Variants in ING1 observed in about 807,000 individuals in gnomAD.
ING1 encodes the protein inhibitor of growth protein 1.
Under a neutral mutation model 23.1 loss-of-function variants are expected in ING1, and 4 were observed. That is an observed-to-expected ratio of 0.17 (90% CI 0.09 to 0.40). ING1 has a LOEUF of 0.40. Among genes scored for constraint, ING1 ranks in the 10% least tolerant of loss-of-function variants. The pLI, the probability that ING1 is intolerant of heterozygous loss-of-function variation, is 1.00. For missense variants in ING1, 256 were observed against 393.8 expected (o/e 0.65, Z 2.96); for synonymous variants, 179 against 166.4 (o/e 1.08, Z -0.58).
At chr13:110,715,134 G>T in intron 1 of ING1, 1 of 1,125,306 alleles carries the variant, frequency 8.9e-7, no homozygotes, top group Non-Finnish European at 1.1e-6. Context: ...GCGAGTTCGT[G>T]TCCGCCGGGA....
At chr13:110,715,566 T>C (rs2064108666) in intron 1 of ING1, 1 of 1,613,900 alleles carries the variant, frequency 6.2e-7, no homozygotes, top group African/African-American at 1.3e-5. Context: ...TTTTTTCTTT[T>C]TCGGGGAGGA....
intron 1 of ING1, among the ~76,000 whole-genome samples, chr13:110,718,871 A>G (rs2064145934): frequency 6.6e-6 from 1 of 152,238 alleles, no homozygotes; most frequent in Admixed American, 6.5e-5. Context: ...GAAAGTATTA[A>G]TAAATGTTGG....
rs2064149643 is a variant in ING1 at position 110,719,188 on chromosome 13, G to C, written c.137-41G>C. 1.3e-6 allele frequency: 2 copies of C among 1,598,470 alleles called. No homozygotes were observed. The highest frequency in any genetic ancestry group is 1.7e-6 in the Non-Finnish European group (2 of 1,169,516). On this transcript the variant is annotated intron_variant, in intron 1 of 1. Coordinates refer to ENST00000333219, the MANE Select transcript of ING1 (RefSeq NM_198219.3). This position sits in a 1 kb window ranked among gnomAD's most constrained non-coding sequence, Gnocchi z 8.9. ...GTCCGGGGCCGTGTGGGTTGTCCCG[G>C]TGTCCTGCTCGCGAGTGACGCCTGT... is the stretch of plus-strand genomic sequence containing the variant.
chr13:110,715,575 G>A, intron 1 of ING1: 1 of 1,614,124 alleles, frequency 6.2e-7, no homozygotes, highest in Non-Finnish European at 8.5e-7. Flanking sequence ...TTTCGGGGAG[G>A]AGCGGGGTGG....
chr13:110,718,433 G>A (rs376707242), intron 1 of ING1, among the ~76,000 whole-genome samples: 6 of 152,246 alleles, frequency 3.9e-5, no homozygotes, highest in South Asian at 4.1e-4. Flanking sequence ...ATAACAAGTC[G>A]TAATAATAAT....
In ING1 at chr13:110,714,418, G is replaced by A; in HGVS notation, c.136+133G>A. The A allele has an allele frequency of 3.5e-6, 3 of 862,118 alleles. No individual in the cohort carries two copies. In the Middle Eastern group the frequency reaches 1.1e-3, roughly 312 times the overall value. The allele number at this position is 862,118 out of a possible 1,614,324, so 53.4% of individuals were successfully genotyped here. A position where few individuals can be genotyped will look rare whatever the true frequency, so the allele number is the denominator to read the frequency against. The stretch of plus-strand genomic sequence containing the variant: ...TCCGCAGCGGCGGCCCTCGGCAGGG[G>A]CAGGAACAAAAGGTCTGGAGCGCCT... On this transcript the variant is annotated intron_variant, in intron 1 of 1. Coordinates refer to ENST00000333219, the MANE Select transcript of ING1 (RefSeq NM_198219.3).
chr13:110,714,308 C>T (rs2064080315), intron 1 of ING1, 23 bp downstream of exon 1: 2 of 1,479,458 alleles, frequency 1.4e-6, no homozygotes, highest in African/African-American at 1.5e-5. Flanking sequence ...GATGGATGGG[C>T]GGGGGCGGCC....
At chr13:110,713,043 G>A (rs1043106777), upstream of ING1, 11 of 1,474,658 alleles carry the variant, frequency 7.5e-6, no homozygotes, top group African/African-American at 4.2e-5. Context: ...GTGCGCATGC[G>A]CCGCCACTTC....
In ING1 at chr13:110,720,839, A is replaced by C. The variant is rs2064166293; in HGVS notation, c.*907A>C. On this transcript the variant is annotated 3_prime_UTR_variant, in exon 2 of 2. Transcript: ENST00000333219. ...TAAAATTTGTCTTAAAAATTTATAC[A>C]CCAGCAATTTAGACAAAGCCTTAAG... is the stretch of plus-strand genomic sequence containing the variant. 1 of 167,128 alleles carries C rather than the reference A, an allele frequency of 6.0e-6. No homozygotes were observed. The highest frequency in any genetic ancestry group is 1.5e-5 in the Non-Finnish European group (1 of 68,126). 10.4% of individuals were successfully genotyped at this position (167,128 alleles called of 1,614,324 possible).
chr13:110,714,498 C>G (rs1456781745), intron 1 of ING1, among the ~76,000 whole-genome samples: 1 of 150,168 alleles, frequency 6.7e-6, no homozygotes, highest in Non-Finnish European at 1.5e-5. Flanking sequence ...AGGAAGGAGG[C>G]GCGAGAGGTC....
rs549242020 is a variant in ING1, at chr13:110,719,216, T to G, written c.137-13T>G. The stretch of plus-strand genomic sequence containing the variant: ...TCCTGCTCGCGAGTGACGCCTGTCC[T>G]TCTTGCCCCCAGAGATCCTGAAGGA... On this transcript the variant is annotated splice_polypyrimidine_tract_variant and intron_variant, in intron 1 of 1. Transcript: ENST00000333219. The surrounding 1 kb of genome is among the most constrained non-coding windows in gnomAD (Gnocchi z 8.9). 3 of 1,612,736 alleles carry G rather than the reference T, an allele frequency of 1.9e-6. No individual in the cohort carries two copies. Among genetic ancestry groups the G allele is most frequent in the African/African-American group, 1.3e-5 (1 of 75,058 alleles).
chr13:110,715,840 G>T (rs765918539), intron 1 of ING1: 2 of 1,590,888 alleles, frequency 1.3e-6, no homozygotes, highest in Non-Finnish European at 1.7e-6. Context: ...GCTCAGCCCG[G>T]CCACTTTCGG....
upstream of ING1, chr13:110,713,287 G>C (rs1028746576): frequency 5.3e-5 from 68 of 1,284,046 alleles, no homozygotes; most frequent in Non-Finnish European, 5.8e-5. Context: ...AGCGAGTTGC[G>C]GTAGTTGCTG....
chr13:110,715,914 G>C, intron 1 of ING1: 1 of 1,576,648 alleles, frequency 6.3e-7, no homozygotes, highest in Non-Finnish European at 8.6e-7. Context: ...GCTGCAGTTC[G>C]GACCGCCTCC....
chr13:110,712,938 C>A (rs1192473424), upstream of ING1: 1 of 1,558,074 alleles, frequency 6.4e-7, no homozygotes, highest in Non-Finnish European at 8.7e-7. Flanking sequence ...GCGCGGGAGC[C>A]GCCTAGGCTG....
At chr13:110,713,525 C>T, upstream of ING1, 1 of 986,400 alleles carries the variant, frequency 1.0e-6, no homozygotes, top group Non-Finnish European at 1.2e-6. Context: ...GAAAAAGTGA[C>T]AGGCAAGGCC....
intron 1 of ING1, among the ~76,000 whole-genome samples, chr13:110,718,755 A>G (rs2064144716): frequency 6.6e-6 from 1 of 152,004 alleles, no homozygotes; most frequent in South Asian, 2.1e-4. Flanking sequence ...TTGTGTATAA[A>G]TGTAATAAAT....
At position 110,713,923 on chromosome 13, in the gene ING1, C is replaced by T. The variant is rs1472924918; in HGVS notation, c.-227C>T. The T allele has an allele frequency of 1.0e-6, 1 of 987,696 alleles. No individual in the cohort carries two copies. Among genetic ancestry groups the T allele is most frequent in the Non-Finnish European group, 1.2e-6 (1 of 832,530 alleles). The allele number at this position is 987,696 out of a possible 1,614,324, so 61.2% of individuals were successfully genotyped here. On this transcript the variant is annotated 5_prime_UTR_variant, in exon 1 of 2. Transcript: ENST00000333219. Reference sequence around the variant, plus strand: ...TGCGCCGCCGGCCGGGGCGTGCGCCCGGGAGCCACCGCCACCGCGGCCCGC... The same window carrying T: ...TGCGCCGCCGGCCGGGGCGTGCGCCTGGGAGCCACCGCCACCGCGGCCCGC...
intron 1 of ING1, chr13:110,715,438 GCTGTGATGTC>G (rs1214284678): frequency 6.3e-7 from 1 of 1,577,766 alleles, no homozygotes; most frequent in African/African-American, 1.4e-5. Context: ...CCAGTAGTTG[GCTGTGATGTC>G]CTTCGTGGAA....
Sources: gnomAD v4.1 joint callset for allele counts (sites outside exome capture counted in the v4.1 genomes callset) on GRCh38, gnomAD v4.1.1 for gene constraint, Gnocchi (gnomAD v3.1) non-coding constraint, MANE v1.5 for transcripts, NCBI Gene and HGNC (gene_info 2026-07-23, HGNC 2026-07-21) for gene names.